The following CCT8 variants were observed in gnomAD, a reference collection of about 807,000 sequenced individuals.
CCT8 encodes chaperonin containing TCP1 subunit 8.
CCT8 carries 10 observed loss-of-function variants against 65.7 expected under a neutral mutation model. That is an observed-to-expected ratio of 0.15 (90% CI 0.09 to 0.26). The LOEUF is 0.26. Among genes scored for constraint, CCT8 ranks in the 10% least tolerant of loss-of-function variants. CCT8 has a pLI of 1.00. For missense variants in CCT8, 568 were observed against 669.1 expected (o/e 0.85, Z 1.67); for synonymous variants, 199 against 221.8 (o/e 0.90, Z 0.92).
rs56983145 is a variant in CCT8 at position 29,071,908 on chromosome 21, C to G, written c.61-1571G>C. The stretch of plus-strand genomic sequence containing the variant: ...CAAATCCCTTTTCAAGGAAACAAGG[C>G]CCTACGTATCCCGGCCCTTGTATGG... On this transcript the variant is annotated intron_variant, in intron 1 of 14. Coordinates refer to ENST00000286788, the MANE Select transcript of CCT8 (RefSeq NM_006585.4). 625 of 700,782 alleles carry G rather than the reference C, an allele frequency of 8.9e-4. 1 individual carries two copies. In the African/African-American group the frequency reaches 0.01, roughly 11 times the overall value. 43.4% of individuals were successfully genotyped at this position (700,782 alleles called of 1,614,324 possible). A position where few individuals can be genotyped will look rare whatever the true frequency, so the allele number is the denominator to read the frequency against.
Position 29,063,423 on chromosome 21 carries a change from G to A in CCT8, c.870C>T (p.Val290=), listed in dbSNP as rs201375014. 3.7e-6 allele frequency: 6 copies of A among 1,613,754 alleles called. No homozygotes were observed. The highest frequency in any genetic ancestry group is 4.5e-5 in the East Asian group (2 of 44,872). Residue 290 remains valine, a synonymous_variant, in exon 8 of 15, where the codon GTC becomes GTT. Coordinates refer to ENST00000286788, the MANE Select transcript of CCT8 (RefSeq NM_006585.4). ...VKAIADTGAN[V]VVTGGKVADM... ...CTGCCACTTTGCCACCTGTTACTAC[G>A]ACATTTGCACCAGTATCAGCAATAG...
intron 14 of CCT8, among the ~76,000 whole-genome samples, chr21:29,057,625 T>A (rs559125680): frequency 1.5e-4 from 20 of 133,810 alleles, no homozygotes; most frequent in South Asian, 9.3e-4. Flanking sequence ...TATATATATA[T>A]AAAATATATA....
At chr21:29,063,287 T>C (rs2085583883) in intron 8 of CCT8, 65 bp downstream of exon 8, 4 of 1,246,644 alleles carry the variant, frequency 3.2e-6, no homozygotes, top group East Asian at 2.3e-5. Flanking sequence ...CTATTTCGTT[T>C]AGTGTTTTCA....
intron 1 of CCT8, chr21:29,073,224 G>A (rs963095119): frequency 1.6e-6 from 2 of 1,249,874 alleles, no homozygotes; most frequent in Non-Finnish European, 2.0e-6. Context: ...AGGGTGACGG[G>A]CCTTAGCCCC....
intron 14 of CCT8, among the ~76,000 whole-genome samples, chr21:29,057,752 T>C (rs964622375): frequency 6.8e-6 from 1 of 146,006 alleles, no homozygotes; most frequent in Admixed American, 6.8e-5. Context: ...ATCATGTATA[T>C]GTATGATATG....
At chr21:29,060,147 C>T (rs2085547241) in intron 14 of CCT8, 1 of 153,106 alleles carries the variant, frequency 6.5e-6, no homozygotes, top group African/African-American at 2.4e-5. Context: ...TTTAGTATCT[C>T]AAGCTGTAAT....
rs535092092 is a variant in CCT8 at position 29,070,342 on chromosome 21, TA to T, written c.61-6del. On this transcript the variant is annotated splice_polypyrimidine_tract_variant and splice_region_variant and intron_variant, in intron 1 of 14. Coordinates refer to ENST00000286788, the MANE Select transcript of CCT8 (RefSeq NM_006585.4). ...CTCTTCTAATCCTGAAAAGTGCTGT[TA>T]AAAAAAACAAACAAAAAACCCCGCT... is the stretch of plus-strand genomic sequence containing the variant. 1.1e-5 allele frequency: 18 copies of T among 1,590,624 alleles called. No homozygotes were observed. Among genetic ancestry groups the T allele is most frequent in the South Asian group, 5.7e-5 (5 of 88,142 alleles).
In CCT8 at chr21:29,062,117, C is replaced by T; in HGVS notation, c.1212+11G>A. ...ACCTTACAAACTACTAAGAATATTG[C>T]TGATACTGACCCTTGTAAGAACTTT... On this transcript the variant is annotated intron_variant, in intron 11 of 14. Transcript: ENST00000286788. 1 of 1,538,196 alleles carries T rather than the reference C, an allele frequency of 6.5e-7. No individual in the cohort carries two copies. Among genetic ancestry groups the T allele is most frequent in the South Asian group, 1.1e-5 (1 of 89,508 alleles).
intron 3 of CCT8, among the ~76,000 whole-genome samples, chr21:29,068,158 G>A (rs2085644215): frequency 6.6e-6 from 1 of 152,054 alleles, no homozygotes; most frequent in South Asian, 2.1e-4. Context: ...AAGAAAAGGG[G>A]GAGTATAAAA....
At chr21:29,072,908 A>G (rs2085698222) in intron 1 of CCT8, among the ~76,000 whole-genome samples, 1 of 152,190 alleles carries the variant, frequency 6.6e-6, no homozygotes, top group Non-Finnish European at 1.5e-5. Flanking sequence ...TCCAATCTCC[A>G]TAATTTAAAG....
intron 1 of CCT8, among the ~76,000 whole-genome samples, chr21:29,071,594 C>T (rs1200789787): frequency 6.6e-6 from 1 of 152,038 alleles, no homozygotes; most frequent in Non-Finnish European, 1.5e-5. Flanking sequence ...CGGAGTTTCA[C>T]CATGTTGGCC....
intron 6 of CCT8, 117 bp from the exon 7 acceptor site, chr21:29,065,222 C>T: frequency 9.5e-7 from 1 of 1,048,800 alleles, no homozygotes; most frequent in Non-Finnish European, 1.4e-6. Context: ...TAAACCAAGG[C>T]AGTGACTCCT....
rs2085588281 is a variant in CCT8, at chr21:29,063,619, G to A, written c.763-89C>T. The A allele has an allele frequency of 1.8e-5, 23 of 1,291,318 alleles. No individual in the cohort carries two copies. The South Asian group carries it at 2.7e-4, about 15-fold the overall frequency. 80.0% of individuals were successfully genotyped at this position (1,291,318 alleles called of 1,614,324 possible). The stretch of plus-strand genomic sequence containing the variant: ...GATAATAGTTGACTGAAGAAATAAA[G>A]GTTTGGCAAAAAAATATGAAGATAT... On this transcript the variant is annotated intron_variant, in intron 7 of 14. Coordinates refer to ENST00000286788, the MANE Select transcript of CCT8 (RefSeq NM_006585.4).
At chr21:29,065,425 C>A (rs1453654799) in intron 6 of CCT8, among the ~76,000 whole-genome samples, 1 of 152,192 alleles carries the variant, frequency 6.6e-6, no homozygotes. Flanking sequence ...GTCAGTACTG[C>A]AAATACAACA....
intron 13 of CCT8, among the ~76,000 whole-genome samples, chr21:29,061,020 GAATC>G (rs1247705362): frequency 6.6e-6 from 1 of 152,144 alleles, no homozygotes; most frequent in Admixed American, 6.6e-5. Context: ...GTGGTTGGTT[GAATC>G]AATGGATACA....
At chr21:29,063,633 AT>A (rs2085588472) in intron 7 of CCT8, 103 bp from the exon 8 acceptor site, 5 of 959,976 alleles carry the variant, frequency 5.2e-6, no homozygotes, top group Non-Finnish European at 6.3e-6. Flanking sequence ...TGGCAAAAAA[AT>A]ATGAAGATAT....
At chr21:29,056,623 T>A in intron 14 of CCT8, 71 bp from the exon 15 acceptor site, 1 of 924,568 alleles carries the variant, frequency 1.1e-6, no homozygotes, top group Non-Finnish European at 1.6e-6. Context: ...ATGCTTCTAT[T>A]AGCATGATTT....
Position 29,062,119 on chromosome 21 carries a change from G to GAT in CCT8, c.1212+7_1212+8dup. The GAT allele has an allele frequency of 6.5e-7, 1 of 1,548,986 alleles. No homozygotes were observed. The highest frequency in any genetic ancestry group is 8.9e-7 in the Non-Finnish European group (1 of 1,122,424). ...CTTACAAACTACTAAGAATATTGCT[G>GAT]ATACTGACCCTTGTAAGAACTTTGA... On this transcript the variant is annotated intron_variant, in intron 11 of 14. Coordinates refer to ENST00000286788, the MANE Select transcript of CCT8 (RefSeq NM_006585.4).
intron 14 of CCT8, among the ~76,000 whole-genome samples, chr21:29,058,527 C>A (rs1457940645): frequency 2.0e-5 from 3 of 152,012 alleles, no homozygotes; most frequent in Admixed American, 6.6e-5. Context: ...AAACAGACTG[C>A]TAGGCCTCTT....
Sources: allele counts gnomAD v4.1 joint callset (sites outside exome capture counted in the v4.1 genomes callset), GRCh38; gene constraint gnomAD v4.1.1; transcripts MANE v1.5; gene names NCBI Gene and HGNC (gene_info 2026-07-23, HGNC 2026-07-21).